SYNPR: variants seen among roughly 807,000 people sequenced by gnomAD.
The protein encoded by SYNPR is synaptoporin.
SYNPR carries 23 observed loss-of-function variants against 32.9 expected under a neutral mutation model. The observed-to-expected ratio is 0.70, with a 90% CI of 0.50 to 0.99. SYNPR has a LOEUF of 0.99. SYNPR is among the 50% of genes least tolerant of loss of function. The pLI, the probability that SYNPR is intolerant of heterozygous loss-of-function variation, is 0.00. For missense variants in SYNPR, 318 were observed against 349.3 expected (o/e 0.91, Z 0.71); for synonymous variants, 146 against 135.9 (o/e 1.07, Z -0.52).
chr3:63,347,557 T>C (rs2087453353), intron 2 of SYNPR, among the ~76,000 whole-genome samples: 1 of 152,228 alleles, frequency 6.6e-6, no homozygotes. Flanking sequence ...TGCTGAAGTC[T>C]GGGCTTTCAG....
At chr3:63,397,918 A>G (rs1194032632) in intron 2 of SYNPR, among the ~76,000 whole-genome samples, 1 of 152,244 alleles carries the variant, frequency 6.6e-6, no homozygotes, top group Non-Finnish European at 1.5e-5. Context: ...AAGTATAGAA[A>G]TAGCTTTAGC....
At chr3:63,550,290 T>C (rs1363228349) in intron 3 of SYNPR, among the ~76,000 whole-genome samples, 2 of 151,344 alleles carry the variant, frequency 1.3e-5, no homozygotes, top group Non-Finnish European at 2.9e-5. Flanking sequence ...TAAGAACTTA[T>C]AAAGTTCTTA....
chr3:63,372,702 G>T (rs2107055182), intron 2 of SYNPR, among the ~76,000 whole-genome samples: 1 of 152,284 alleles, frequency 6.6e-6, no homozygotes, highest in African/African-American at 2.4e-5. Context: ...CACAACCACT[G>T]CCAAGATCCC....
intron 2 of SYNPR, among the ~76,000 whole-genome samples, chr3:63,260,239 C>A (rs908608686): frequency 6.6e-6 from 1 of 152,118 alleles, no homozygotes; most frequent in Non-Finnish European, 1.5e-5. Flanking sequence ...TCATATGGAA[C>A]CAAAAACGAG....
At chr3:63,462,641 A>T (rs944323194) in intron 2 of SYNPR, among the ~76,000 whole-genome samples, 15 of 152,164 alleles carry the variant, frequency 9.9e-5, no homozygotes, top group East Asian at 9.6e-4. Flanking sequence ...TCATGGGAAG[A>T]TGCCCCTCCT....
At chr3:63,242,160 A>G (rs2086253902) in intron 1 of SYNPR, among the ~76,000 whole-genome samples, 1 of 152,160 alleles carries the variant, frequency 6.6e-6, no homozygotes, top group African/African-American at 2.4e-5. Context: ...ATTCAAAACC[A>G]AAAGACAGAA....
At chr3:63,353,954 G>A (rs77556482) in intron 2 of SYNPR, among the ~76,000 whole-genome samples, 1 of 152,286 alleles carries the variant, frequency 6.6e-6, no homozygotes, top group African/African-American at 2.4e-5. Flanking sequence ...TTAGGAGGCT[G>A]TATGTATGAA....
chr3:63,218,872 A>T, the SYNPR span, among the ~76,000 whole-genome samples: 1 of 152,204 alleles, frequency 6.6e-6, no homozygotes, highest in Non-Finnish European at 1.5e-5. Flanking sequence ...TTGCTGGGTT[A>T]AACAACTCTA....
At chr3:63,584,901 C>A (rs1703156308) in intron 4 of SYNPR, among the ~76,000 whole-genome samples, 1 of 152,066 alleles carries the variant, frequency 6.6e-6, no homozygotes, top group Non-Finnish European at 1.5e-5. Flanking sequence ...ACTGGCATCT[C>A]TTGGAAGCTT....
chr3:63,349,620 G>A (rs745424452), intron 2 of SYNPR, among the ~76,000 whole-genome samples: 8 of 152,068 alleles, frequency 5.3e-5, no homozygotes, highest in Non-Finnish European at 1.0e-4. Context: ...ATTGTTATTG[G>A]TGCATCGAAA....
chr3:63,281,599 C>T (rs2086630766), intron 2 of SYNPR, among the ~76,000 whole-genome samples: 2 of 152,118 alleles, frequency 1.3e-5, no homozygotes, highest in Admixed American at 6.5e-5. Flanking sequence ...GGGAAGAACT[C>T]TGATCTCGTC....
At chr3:63,595,811 AT>A (rs1699941588) in intron 4 of SYNPR, among the ~76,000 whole-genome samples, 3 of 70,686 alleles carry the variant, frequency 4.2e-5, no homozygotes, top group African/African-American at 1.8e-4. Flanking sequence ...TTATATATAT[AT>A]ATAGTTTTAT....
intron 2 of SYNPR, among the ~76,000 whole-genome samples, chr3:63,342,511 C>A (rs1412251901): frequency 2.0e-5 from 3 of 152,088 alleles, no homozygotes; most frequent in African/African-American, 7.2e-5. Context: ...TCATTGGATT[C>A]AGTTTGCTAA....
intron 4 of SYNPR, among the ~76,000 whole-genome samples, chr3:63,601,189 C>T (rs1700035827): frequency 2.0e-5 from 3 of 151,634 alleles, no homozygotes; most frequent in African/African-American, 4.8e-5. Flanking sequence ...AGGAGAATCG[C>T]TTGAACCTGG....
At chr3:63,379,934 G>C (rs13085532) in intron 2 of SYNPR, among the ~76,000 whole-genome samples, 1 of 151,710 alleles carries the variant, frequency 6.6e-6, no homozygotes, top group South Asian at 2.1e-4. Flanking sequence ...GAGAACTTGC[G>C]GTGTTTGGTT....
intron 2 of SYNPR, among the ~76,000 whole-genome samples, chr3:63,456,048 G>A (rs1035264876): frequency 1.3e-5 from 2 of 152,062 alleles, no homozygotes; most frequent in African/African-American, 4.8e-5. Flanking sequence ...TAGATGGATG[G>A]CAGCAGGCAA....
chr3:63,408,223 AGG>A (rs1491355023), intron 2 of SYNPR, among the ~76,000 whole-genome samples: 10 of 99,986 alleles, frequency 1.0e-4, no homozygotes, highest in East Asian at 8.9e-4. Flanking sequence ...GAAGGAAGGA[AGG>A]AAGGAAAGAA....
chr3:63,582,499 G>C (rs1042049632), intron 4 of SYNPR, among the ~76,000 whole-genome samples: 1 of 151,986 alleles, frequency 6.6e-6, no homozygotes, highest in African/African-American at 2.4e-5. Flanking sequence ...TTGGACTTTT[G>C]TCTGATAATG....
chr3:63,608,599 T>C (rs72889285), intron 4 of SYNPR, among the ~76,000 whole-genome samples: 2,929 of 152,230 alleles, frequency 0.019, 52 homozygotes, highest in South Asian at 0.085. Context: ...AACAAACGAA[T>C]GAATGAATGA....
Sources: allele counts gnomAD v4.1 joint callset (sites outside exome capture counted in the v4.1 genomes callset), GRCh38; gene constraint gnomAD v4.1.1; transcripts MANE v1.5; gene names NCBI Gene and HGNC (gene_info 2026-07-23, HGNC 2026-07-21).